FGF13: variants seen among roughly 807,000 people sequenced by gnomAD.
FGF13 encodes the protein fibroblast growth factor homologous factor 2.
In FGF13, 2 loss-of-function variants were observed where a neutral mutation model predicts 19.5. The observed-to-expected ratio is 0.10, with a 90% confidence interval of 0.04 to 0.32. FGF13 has a LOEUF of 0.32. Ranked by LOEUF, FGF13 falls within the 10% of genes least tolerant of loss-of-function variation. The probability of loss-of-function intolerance (pLI) is 1.00; values close to 1 mark genes in which losing one functional copy is unlikely to be tolerated. For missense variants in FGF13, 113 were observed against 192.7 expected, an observed-to-expected ratio of 0.59 and a Z score of 2.45; for synonymous variants, 72 against 76.9, an observed-to-expected ratio of 0.94 and a Z score of 0.33.
intron 1 of FGF13, among the ~76,000 whole-genome samples, chrX:138,881,960 C>T (rs1294485979): frequency 1.8e-5 from 2 of 109,572 alleles, no homozygotes. Flanking sequence ...CTAGTTAGTT[C>T]TTCTTTCTAT....
intron 1 of FGF13, among the ~76,000 whole-genome samples, chrX:139,077,848 GC>G (rs1410282093): frequency 9.0e-6 from 1 of 111,492 alleles, no homozygotes; most frequent in African/African-American, 3.3e-5. Context: ...TGAAAGCAGG[GC>G]TATCGTGTTA....
chrX:138,928,091 G>A (rs1189746260), intron 1 of FGF13, among the ~76,000 whole-genome samples: 2 of 110,749 alleles, frequency 1.8e-5, no homozygotes, highest in Middle Eastern at 4.7e-3. Flanking sequence ...ATACAAAACT[G>A]TATGTATAGT....
intron 3 of FGF13, among the ~76,000 whole-genome samples, chrX:138,751,602 A>G (rs1022624733): frequency 8.9e-6 from 1 of 111,773 alleles, no homozygotes; most frequent in East Asian, 2.8e-4. Context: ...AAGAGGGTAA[A>G]TACCTCCTCC....
At chrX:138,841,558 G>A (rs753602422) in intron 3 of FGF13, among the ~76,000 whole-genome samples, 61 of 109,997 alleles carry the variant, frequency 5.5e-4, no homozygotes, top group African/African-American at 2.0e-3. Flanking sequence ...GGAGACTCAA[G>A]GAAGGAACGG....
At chrX:139,003,936 C>A (rs1178303364) in intron 1 of FGF13, among the ~76,000 whole-genome samples, 2 of 112,876 alleles carry the variant, frequency 1.8e-5, no homozygotes, top group African/African-American at 6.4e-5. Context: ...CACGTCCCCA[C>A]CAGACTCAGG....
intron 3 of FGF13, among the ~76,000 whole-genome samples, chrX:138,670,556 G>A (rs7890996): frequency 1.8e-5 from 2 of 111,609 alleles, no homozygotes; most frequent in Admixed American, 9.5e-5. Flanking sequence ...CAAGATGTGC[G>A]TAAAAAAGCA....
intron 1 of FGF13, among the ~76,000 whole-genome samples, chrX:138,877,395 T>C (rs1030818516): frequency 8.9e-6 from 1 of 112,082 alleles, no homozygotes; most frequent in Non-Finnish European, 1.9e-5. Flanking sequence ...TGAAACCACT[T>C]TTGAATAACT....
intron 1 of FGF13, among the ~76,000 whole-genome samples, chrX:138,943,374 A>G (rs915115322): frequency 6.2e-5 from 7 of 112,447 alleles, no homozygotes; most frequent in Admixed American, 1.9e-4. Context: ...AGGACAGTAC[A>G]CGGCAACTAA....
chrX:138,850,672 T>C (rs1435841751), intron 3 of FGF13, among the ~76,000 whole-genome samples: 1 of 112,045 alleles, frequency 8.9e-6, no homozygotes, highest in African/African-American at 3.2e-5. Context: ...GACTTTGAAA[T>C]AAAAAGGTTG....
intron 1 of FGF13, among the ~76,000 whole-genome samples, chrX:139,021,812 T>C (rs2092179258): frequency 8.9e-6 from 1 of 111,868 alleles, no homozygotes; most frequent in South Asian, 3.7e-4. Flanking sequence ...ATCTAAATAA[T>C]TTATAGGCTG....
At chrX:139,084,560 C>T (rs890271199) in intron 1 of FGF13, among the ~76,000 whole-genome samples, 6 of 111,538 alleles carry the variant, frequency 5.4e-5, no homozygotes, top group Admixed American at 9.5e-5. Context: ...CAAGGCCAAC[C>T]GGGACACAGT....
At chrX:138,873,385 C>G (rs57264983) in intron 1 of FGF13, among the ~76,000 whole-genome samples, 1,845 of 112,067 alleles carry the variant, frequency 0.016, 40 homozygotes, top group African/African-American at 0.057. Context: ...TAGTTATTGA[C>G]TGAAGTTCTT....
chrX:138,806,910 A>G (rs773174380), intron 3 of FGF13: 1 of 111,920 alleles, frequency 8.9e-6, no homozygotes, highest in African/African-American at 3.2e-5. Flanking sequence ...AGGGCCTTAG[A>G]GAGGGAATAT....
chrX:138,887,996 G>C (rs2091459277), intron 1 of FGF13, among the ~76,000 whole-genome samples: 1 of 112,038 alleles, frequency 8.9e-6, no homozygotes, highest in Non-Finnish European at 1.9e-5. Flanking sequence ...TGCCGTTATA[G>C]TTTTTCCCAT....
chrX:139,184,967 T>C (rs1442357660), intron 1 of FGF13, among the ~76,000 whole-genome samples: 1 of 111,836 alleles, frequency 8.9e-6, no homozygotes, highest in Non-Finnish European at 1.9e-5. Flanking sequence ...GGGAGGACTC[T>C]CATTTTAGCC....
chrX:138,690,664 A>G (rs1033602408), intron 3 of FGF13, among the ~76,000 whole-genome samples: 8 of 111,372 alleles, frequency 7.2e-5, no homozygotes, highest in African/African-American at 2.6e-4. Flanking sequence ...GTGATCTGCT[A>G]AAGTCTGTGG....
At chrX:138,893,207 G>A (rs2091486251) in intron 1 of FGF13, among the ~76,000 whole-genome samples, 1 of 111,381 alleles carries the variant, frequency 9.0e-6, no homozygotes, top group East Asian at 2.8e-4. Flanking sequence ...TTTCCCTGGT[G>A]ACATCTATCT....
intron 1 of FGF13, among the ~76,000 whole-genome samples, chrX:138,731,307 C>A (rs760445909): frequency 1.8e-5 from 2 of 110,081 alleles, no homozygotes; most frequent in African/African-American, 3.3e-5. Context: ...TGAGCCATAA[C>A]CCAAATTTAA....
chrX:138,997,667 G>A (rs760204417), intron 1 of FGF13, among the ~76,000 whole-genome samples: 1 of 111,782 alleles, frequency 8.9e-6, no homozygotes, highest in Non-Finnish European at 1.9e-5. Context: ...AAGCCTCCAG[G>A]AAATATGGGA....
Sources: gnomAD v4.1 joint callset for allele counts (sites outside exome capture counted in the v4.1 genomes callset) on GRCh38, gnomAD v4.1.1 for gene constraint, MANE v1.5 for transcripts, NCBI Gene and HGNC (gene_info 2026-07-23, HGNC 2026-07-21) for gene names.